The following VWF variants were observed in gnomAD, a reference collection of about 807,000 sequenced individuals.
VWF encodes the protein von Willebrand factor.
In VWF, 176 loss-of-function variants were observed where a neutral mutation model predicts 308.6. The ratio of observed to expected loss-of-function variants is 0.57; its 90% CI spans 0.50 to 0.65. VWF has a LOEUF of 0.65. Among genes scored for constraint, VWF ranks in the 30% least tolerant of loss-of-function variants. VWF has a pLI of 0.00. For missense variants in VWF, 3,146 were observed against 3,648.2 expected, an observed-to-expected ratio of 0.86 and a Z score of 3.55; for synonymous variants, 1,385 against 1,443.4, an observed-to-expected ratio of 0.96 and a Z score of 0.92.
At chr12:5,975,690 C>T (rs1943524739) in intron 43 of VWF, among the ~76,000 whole-genome samples, 1 of 152,202 alleles carries the variant, frequency 6.6e-6, no homozygotes, top group African/African-American at 2.4e-5. Context: ...AAAAGGAAAA[C>T]TTCAAGTTCT....
intron 5 of VWF, among the ~76,000 whole-genome samples, chr12:6,100,400 C>T (rs1450876937): frequency 1.1e-4 from 16 of 148,930 alleles, no homozygotes; most frequent in Admixed American, 2.0e-4. Context: ...GGGTATATAC[C>T]CAAAGTACTA....
chr12:6,071,465 G>T, intron 9 of VWF, 122 bp from the exon 10 acceptor site: 1 of 1,075,808 alleles, frequency 9.3e-7, no homozygotes, highest in Non-Finnish European at 1.4e-6. Flanking sequence ...AAAGAAAAGA[G>T]CTGGTGCTAG....
chr12:6,059,628 C>T (rs1019442444), intron 13 of VWF, among the ~76,000 whole-genome samples: 13 of 152,332 alleles, frequency 8.5e-5, no homozygotes, highest in African/African-American at 2.9e-4. Flanking sequence ...GGCTAGCAAG[C>T]TCTCTGAGGT....
At chr12:6,059,071 G>T (rs973410304) in intron 13 of VWF, among the ~76,000 whole-genome samples, 1 of 152,146 alleles carries the variant, frequency 6.6e-6, no homozygotes, top group African/African-American at 2.4e-5. Context: ...CAAAATGCAG[G>T]GTTAACAATC....
chr12:6,066,003 AG>A, intron 10 of VWF, among the ~76,000 whole-genome samples: 2 of 152,346 alleles, frequency 1.3e-5, no homozygotes, highest in Admixed American at 1.3e-4. Flanking sequence ...ACCACCACCC[AG>A]GCAGTGCTGA....
At chr12:6,000,919 A>G (rs1216510848) in intron 34 of VWF, among the ~76,000 whole-genome samples, 1 of 152,076 alleles carries the variant, frequency 6.6e-6, no homozygotes, top group African/African-American at 2.4e-5. Flanking sequence ...TTTTATTTAT[A>G]TAGTCATAGA....
At chr12:6,036,547 C>A in intron 18 of VWF, 56 bp from the exon 19 acceptor site, 2 of 1,514,414 alleles carry the variant, frequency 1.3e-6, no homozygotes, top group South Asian at 1.1e-5. Flanking sequence ...CTAAAGCCCT[C>A]CTCCAGCCCG....
At chr12:5,976,026 G>C (rs1350215201) in intron 43 of VWF, 85 bp downstream of exon 43, 3 of 1,456,536 alleles carry the variant, frequency 2.1e-6, no homozygotes, top group Non-Finnish European at 2.8e-6. Flanking sequence ...AAAAAAAAAA[G>C]AACCTTTCTT....
intron 34 of VWF, among the ~76,000 whole-genome samples, chr12:5,997,113 A>G (rs1469586809): frequency 4.6e-5 from 7 of 152,076 alleles, no homozygotes; most frequent in Non-Finnish European, 7.4e-5. Context: ...ACCTCTCCCT[A>G]TGGGGGTTAC....
At chr12:6,012,212 C>T in intron 32 of VWF, 82 bp from the exon 33 acceptor site, 1 of 1,477,088 alleles carries the variant, frequency 6.8e-7, no homozygotes, top group Admixed American at 1.7e-5. Flanking sequence ...CTTAAGCAAC[C>T]TGGTCTAGTT....
rs1299487140 is a variant in VWF at position 6,046,782 on chromosome 12, C to T, written c.2222G>A (p.Ser741Asn). 1.2e-6 allele frequency: 2 copies of T among 1,614,172 alleles called. No individual in the cohort carries two copies. Among genetic ancestry groups the T allele is most frequent in the Admixed American group, 1.7e-5 (1 of 60,032 alleles). ...AGGCAGCAAGCTTCCGGGGACTCCA[C>T]TCATGGTACAGTGCATGAAGCCATC... is the stretch of plus-strand genomic sequence containing the variant. ...CEDGFMHCTM[S>N]GVPGSLLPDA... Residue 741 changes from serine to asparagine, a missense_variant, in exon 17 of 52, where the codon AGT becomes AAT. Ser to Asn is a conservative substitution (Grantham distance 46). Coordinates refer to ENST00000261405, the MANE Select transcript of VWF (RefSeq NM_000552.5). This position sits in a 1 kb window ranked among gnomAD's most constrained non-coding sequence, Gnocchi z 5.0.
chr12:6,039,322 A>G (rs1944371692), intron 18 of VWF, among the ~76,000 whole-genome samples: 1 of 152,220 alleles, frequency 6.6e-6, no homozygotes, highest in Non-Finnish European at 1.5e-5. Flanking sequence ...AGAAAATTAT[A>G]AAGTAGGAAA....
At chr12:5,983,909 T>C (rs1232704236) in intron 40 of VWF, among the ~76,000 whole-genome samples, 3 of 151,148 alleles carry the variant, frequency 2.0e-5, no homozygotes, top group South Asian at 2.1e-4. Flanking sequence ...GGATAGATGA[T>C]AAATAGATAC....
chr12:6,071,280 A>T lies in VWF; in HGVS notation c.1156+17T>A, dbSNP rs777638161. 6.2e-7 allele frequency: 1 copy of T among 1,613,966 alleles called. No homozygotes were observed. Among genetic ancestry groups the T allele is most frequent in the Non-Finnish European group, 8.5e-7 (1 of 1,179,974 alleles). On this transcript the variant is annotated intron_variant, in intron 10 of 51. Coordinates refer to ENST00000261405, the MANE Select transcript of VWF (RefSeq NM_000552.5). ...GATTCAGGGAAGGAGGAAGAGAATG[A>T]GCGGCAGGTCGCCTACCTGGACATT...
intron 40 of VWF, among the ~76,000 whole-genome samples, chr12:5,983,963 G>C (rs1591842791): frequency 1.5e-5 from 2 of 131,568 alleles, no homozygotes; most frequent in African/African-American, 5.7e-5. Flanking sequence ...ACATAGGATG[G>C]ATGGATAGAT....
At chr12:5,983,818 T>TAGATAGATA (rs57391778) in intron 40 of VWF, among the ~76,000 whole-genome samples, 1 of 138,404 alleles carries the variant, frequency 7.2e-6, no homozygotes, top group Non-Finnish European at 1.6e-5. Flanking sequence ...GATAGATAGA[T>TAGATAGATA]GATAGAGGAT....
chr12:5,979,149 A>G (rs1943564547), intron 42 of VWF, among the ~76,000 whole-genome samples: 1 of 152,230 alleles, frequency 6.6e-6, no homozygotes, highest in Non-Finnish European at 1.5e-5. Context: ...TAGAGCATCA[A>G]CTCATGGCTA....
chr12:6,052,301 T>C (rs374985010), intron 16 of VWF, among the ~76,000 whole-genome samples: 15 of 152,296 alleles, frequency 9.8e-5, no homozygotes, highest in East Asian at 5.8e-4. Context: ...CACATAACAG[T>C]TGGCAATAAA....
intron 16 of VWF, among the ~76,000 whole-genome samples, chr12:6,048,406 T>C (rs1944470520): frequency 6.6e-6 from 1 of 152,102 alleles, no homozygotes; most frequent in South Asian, 2.1e-4. Flanking sequence ...GACCTTGTGA[T>C]CTACCCGCCT....
Sources: allele counts gnomAD v4.1 joint callset (sites outside exome capture counted in the v4.1 genomes callset), GRCh38; gene constraint gnomAD v4.1.1; non-coding constraint Gnocchi (gnomAD v3.1); transcripts MANE v1.5; gene names NCBI Gene and HGNC (gene_info 2026-07-23, HGNC 2026-07-21).